Variants in CNTNAP5 observed in about 807,000 individuals in gnomAD.
CNTNAP5 encodes the protein contactin-associated protein-like 5.
A neutral mutation model predicts 150.2 loss-of-function variants in CNTNAP5; 72 were observed. The observed-to-expected ratio is 0.48, with a 90% CI of 0.40 to 0.58. The LOEUF is 0.58. Among genes scored for constraint, CNTNAP5 ranks in the 20% least tolerant of loss-of-function variants. The pLI is 0.00. For missense variants in CNTNAP5, 1,636 were observed against 1,626.2 expected (o/e 1.01, Z -0.10); for synonymous variants, 672 against 619.8 (o/e 1.08, Z -1.25).
At chr2:124,484,728 GA>G (rs1466493830) in intron 7 of CNTNAP5, among the ~76,000 whole-genome samples, 1 of 152,148 alleles carries the variant, frequency 6.6e-6, no homozygotes, top group Non-Finnish European at 1.5e-5. Flanking sequence ...AAAGGTTATA[GA>G]TCAGTGATTA....
intron 19 of CNTNAP5, among the ~76,000 whole-genome samples, chr2:124,850,854 A>T (rs974311655): frequency 6.6e-6 from 1 of 152,178 alleles, no homozygotes; most frequent in Non-Finnish European, 1.5e-5. Flanking sequence ...TAAAAATAAG[A>T]TACTGATTAT....
chr2:124,474,608 G>A (rs1693596965), intron 6 of CNTNAP5, 131 bp from the exon 7 acceptor site: 4 of 671,708 alleles, frequency 6.0e-6, no homozygotes, highest in Non-Finnish European at 7.4e-6. Flanking sequence ...TAATCAAGTA[G>A]CATCTATAAT....
intron 14 of CNTNAP5, among the ~76,000 whole-genome samples, chr2:124,758,805 G>A (rs1307976698): frequency 1.3e-5 from 2 of 152,038 alleles, no homozygotes; most frequent in Non-Finnish European, 1.5e-5. Context: ...AGGAGAAAGT[G>A]CCCTGAGAAG....
intron 1 of CNTNAP5, among the ~76,000 whole-genome samples, chr2:124,167,040 A>G (rs538391146): frequency 6.6e-6 from 1 of 151,958 alleles, no homozygotes; most frequent in African/African-American, 2.4e-5. Context: ...TCATTTTTGT[A>G]TATATTTTTT....
At chr2:124,230,928 C>T (rs1369717971) in intron 2 of CNTNAP5, among the ~76,000 whole-genome samples, 2 of 152,150 alleles carry the variant, frequency 1.3e-5, no homozygotes, top group East Asian at 3.9e-4. Context: ...CAGCACCTTT[C>T]CTTTCTTGTG....
At chr2:124,346,916 CAAAAAAAA>C (rs35078281) in intron 3 of CNTNAP5, among the ~76,000 whole-genome samples, 2 of 109,040 alleles carry the variant, frequency 1.8e-5, no homozygotes, top group African/African-American at 7.1e-5. Flanking sequence ...ATTAAAAATA[CAAAAAAAA>C]AAAAAAAAAA....
chr2:124,300,473 G>A (rs139647754), intron 3 of CNTNAP5, among the ~76,000 whole-genome samples: 9 of 152,304 alleles, frequency 5.9e-5, no homozygotes, highest in Admixed American at 2.6e-4. Flanking sequence ...AGATAGGAGA[G>A]GAGTGTAGTT....
intron 10 of CNTNAP5, among the ~76,000 whole-genome samples, chr2:124,561,371 C>A (rs1478250652): frequency 6.6e-6 from 1 of 152,072 alleles, no homozygotes; most frequent in Non-Finnish European, 1.5e-5. Context: ...CATCAAGGCT[C>A]TAAGTTTTTG....
At chr2:124,530,257 C>T (rs953908800) in intron 10 of CNTNAP5, among the ~76,000 whole-genome samples, 1 of 152,140 alleles carries the variant, frequency 6.6e-6, no homozygotes, top group African/African-American at 2.4e-5. Flanking sequence ...TTGCAATGAG[C>T]CGAGATGGCA....
At chr2:124,665,432 C>T (rs1242186872) in intron 13 of CNTNAP5, among the ~76,000 whole-genome samples, 1 of 152,192 alleles carries the variant, frequency 6.6e-6, no homozygotes, top group Non-Finnish European at 1.5e-5. Flanking sequence ...TTAGTTCAAG[C>T]TAATGTCAAC....
In CNTNAP5 at chr2:124,474,897, C is replaced by G. The variant is rs1300493244; in HGVS notation, c.1062+15C>G. On this transcript the variant is annotated intron_variant, in intron 7 of 23. Coordinates refer to ENST00000682447, the MANE Select transcript of CNTNAP5 (RefSeq NM_001367498.1). Reference sequence around the variant, plus strand: ...TCTATACTGTGGTAAGTCAGCCCATCTGTTTTGTCTTGATGGTTTCTACCA... The same window carrying G: ...TCTATACTGTGGTAAGTCAGCCCATGTGTTTTGTCTTGATGGTTTCTACCA... 6.3e-7 allele frequency: 1 copy of G among 1,585,586 alleles called. No homozygotes were observed. Among genetic ancestry groups the G allele is most frequent in the African/African-American group, 1.4e-5 (1 of 72,878 alleles).
intron 13 of CNTNAP5, among the ~76,000 whole-genome samples, chr2:124,677,267 G>T (rs34836625): frequency 0.3 from 45,130 of 152,090 alleles, 7,132 homozygotes; most frequent in Non-Finnish European, 0.34. Context: ...CCTCCCAGTG[G>T]GTTCATGGTC....
intron 12 of CNTNAP5, among the ~76,000 whole-genome samples, chr2:124,626,062 T>C (rs532859450): frequency 4.6e-5 from 7 of 152,232 alleles, no homozygotes; most frequent in African/African-American, 1.7e-4. Flanking sequence ...CAGTACAATA[T>C]CTGACATGCC....
intron 3 of CNTNAP5, among the ~76,000 whole-genome samples, chr2:124,279,144 C>T (rs1687955616): frequency 6.6e-6 from 1 of 152,056 alleles, no homozygotes. Flanking sequence ...CATGACTATA[C>T]TGACTTTTTC....
intron 14 of CNTNAP5, among the ~76,000 whole-genome samples, chr2:124,752,584 G>C (rs974968107): frequency 6.6e-6 from 1 of 151,972 alleles, no homozygotes; most frequent in Non-Finnish European, 1.5e-5. Context: ...GATTTCCTAG[G>C]GGTTTTTCTA....
intron 4 of CNTNAP5, among the ~76,000 whole-genome samples, chr2:124,425,918 C>A (rs2104786467): frequency 6.6e-6 from 1 of 152,276 alleles, no homozygotes; most frequent in African/African-American, 2.4e-5. Context: ...ATGATACCTA[C>A]TATGGAAGTT....
In CNTNAP5 at chr2:124,764,002, T is replaced by G. The variant is rs1681014664; in HGVS notation, c.2388T>G (p.Phe796Leu). The G allele has an allele frequency of 6.2e-7, 1 of 1,612,490 alleles. No homozygotes were observed. The highest frequency in any genetic ancestry group is 8.5e-7 in the Non-Finnish European group (1 of 1,179,316). The part of the protein sequence containing the change: ...GDRRFWNAVS[F>L]YTEASYLHFP... Reference sequence around the variant, plus strand: ...GACGCTTCTGGAACGCCGTCTCATTTTATACAGAAGCCTCTTACCTCCACT... The same window carrying G: ...GACGCTTCTGGAACGCCGTCTCATTGTATACAGAAGCCTCTTACCTCCACT... Residue 796 changes from phenylalanine (F) to leucine (L), a missense_variant, in exon 16 of 24, where the codon TTT (phenylalanine) becomes TTG (leucine). Phe to Leu is a conservative substitution (Grantham distance 22). Transcript: ENST00000682447.
At chr2:124,500,872 G>C (rs1000632901) in intron 7 of CNTNAP5, among the ~76,000 whole-genome samples, 1 of 152,288 alleles carries the variant, frequency 6.6e-6, no homozygotes, top group East Asian at 1.9e-4. Flanking sequence ...CCAGTGACTT[G>C]TGGCAGTTGC....
chr2:124,409,783 G>A lies in CNTNAP5; in HGVS notation c.382-7660G>A, dbSNP rs987465020. 1.1e-4 allele frequency among the ~76,000 whole-genome samples: 16 copies of A among 152,066 alleles called. No individual in the cohort carries two copies. In the East Asian group the frequency reaches 1.7e-3, roughly 17 times the overall value. ...AGCCGCTGCAAAATCAAGCCAAAAT[G>A]TAAAGACCATCAAGACTAGGCAGAA... On this transcript the variant is annotated intron_variant, in intron 3 of 23. Transcript: ENST00000682447.
Sources: gnomAD v4.1 joint callset for allele counts (sites outside exome capture counted in the v4.1 genomes callset) on GRCh38, gnomAD v4.1.1 for gene constraint, MANE v1.5 for transcripts, NCBI Gene and HGNC (gene_info 2026-07-23, HGNC 2026-07-21) for gene names.